Variants in UNC5D observed in about 807,000 individuals in gnomAD.
UNC5D encodes the protein unc-5 netrin receptor D.
UNC5D carries 39 observed loss-of-function variants against 105.4 expected under a neutral mutation model. The observed-to-expected ratio is 0.37, with a 90% CI of 0.29 to 0.48. The LOEUF (loss-of-function observed/expected upper bound fraction) is 0.48. Ranked by LOEUF, UNC5D falls within the 20% of genes least tolerant of loss-of-function variation. UNC5D has a pLI of 0.98. For synonymous variants in UNC5D, 452 were observed against 450.4 expected (o/e 1.00, Z -0.04); for missense variants, 991 against 1,202.4 (o/e 0.82, Z 2.60).
intron 15 of UNC5D, 144 bp downstream of exon 15, chr8:35,767,210 A>G: frequency 9.3e-7 from 1 of 1,074,170 alleles, no homozygotes; most frequent in Non-Finnish European, 1.3e-6. Flanking sequence ...GATGAGGGAA[A>G]ATAAGCTTTG....
chr8:35,766,894 C>G lies in UNC5D; in HGVS notation c.2314-8C>G, dbSNP rs1181909614. On this transcript the variant is annotated splice_polypyrimidine_tract_variant and splice_region_variant and intron_variant, in intron 14 of 16. Transcript: ENST00000404895. ...GCACACCATCCCTTCTCTCCGTCTC[C>G]CCTGCAGGAAGTCCCGTTCTCCCGC... is the stretch of plus-strand genomic sequence containing the variant. 2 of 1,609,694 alleles carry G rather than the reference C, an allele frequency of 1.2e-6. No individual in the cohort carries two copies. Among genetic ancestry groups the G allele is most frequent in the Non-Finnish European group, 1.7e-6 (2 of 1,177,432 alleles).
rs762704382 is a variant in UNC5D at position 35,684,758 on chromosome 8, T to C, written c.919+9T>C. On this transcript the variant is annotated intron_variant, in intron 6 of 16. Coordinates refer to ENST00000404895, the MANE Select transcript of UNC5D (RefSeq NM_080872.4). Reference sequence around the variant, plus strand: ...CACTTCTCTTTGTCCTGGTGAGATATATGCAGATTCCCTTTTCCCTTCTGA... The same window carrying C: ...CACTTCTCTTTGTCCTGGTGAGATACATGCAGATTCCCTTTTCCCTTCTGA... 3.7e-6 allele frequency: 6 copies of C among 1,603,174 alleles called. No homozygotes were observed. The highest frequency in any genetic ancestry group is 2.2e-5 in the East Asian group (1 of 44,672).
chr8:35,481,037 G>A (rs144676827), intron 1 of UNC5D, among the ~76,000 whole-genome samples: 1 of 152,316 alleles, frequency 6.6e-6, no homozygotes, highest in East Asian at 1.9e-4. Flanking sequence ...ATGTTAACAG[G>A]TTCCAGCAAA....
At position 35,731,076 on chromosome 8, in the gene UNC5D, C is replaced by T. The variant is rs1829164014; in HGVS notation, c.1746C>T (p.Ser582=). The T allele has an allele frequency of 1.2e-6, 2 of 1,613,850 alleles. No individual in the cohort carries two copies. The highest frequency in any genetic ancestry group is 1.7e-6 in the Non-Finnish European group (2 of 1,179,876). Residue 582 remains serine, a synonymous_variant, in exon 11 of 17, where the codon TCC becomes TCT. Coordinates refer to ENST00000404895, the MANE Select transcript of UNC5D (RefSeq NM_080872.4). ...AGAATTCTTGGGAGATTTATATGTC[C>T]ATCAACCAAGGTGAACCCAGGTGAG... ...PEENSWEIYM[S]INQGEPSLQS...
intron 1 of UNC5D, among the ~76,000 whole-genome samples, chr8:35,346,909 T>A (rs1811844701): frequency 6.6e-6 from 1 of 152,018 alleles, no homozygotes; most frequent in South Asian, 2.1e-4. Flanking sequence ...TTTTCCCTTT[T>A]TGTTTGGGTT....
At chr8:35,262,000 T>G (rs1317533385) in intron 1 of UNC5D, among the ~76,000 whole-genome samples, 1 of 152,196 alleles carries the variant, frequency 6.6e-6, no homozygotes, top group Non-Finnish European at 1.5e-5. Flanking sequence ...CTCTTTTTAT[T>G]GACCTGTGCA....
At chr8:35,605,186 T>G (rs184661879) in intron 4 of UNC5D, among the ~76,000 whole-genome samples, 1 of 152,348 alleles carries the variant, frequency 6.6e-6, no homozygotes, top group Admixed American at 6.5e-5. Context: ...TATCTACCTT[T>G]GTTCTTTGAT....
At chr8:35,336,700 T>A (rs1285935864) in intron 1 of UNC5D, among the ~76,000 whole-genome samples, 1 of 152,200 alleles carries the variant, frequency 6.6e-6, no homozygotes, top group African/African-American at 2.4e-5. Context: ...ATACATTTTT[T>A]TCCTTTCAAA....
intron 7 of UNC5D, among the ~76,000 whole-genome samples, chr8:35,698,385 T>C (rs528153355): frequency 6.6e-6 from 1 of 152,112 alleles, no homozygotes; most frequent in African/African-American, 2.4e-5. Context: ...CTAATTAAAC[T>C]TTTTACCCCT....
At chr8:35,426,824 G>A (rs534571176) in intron 1 of UNC5D, among the ~76,000 whole-genome samples, 1 of 152,250 alleles carries the variant, frequency 6.6e-6, no homozygotes, top group East Asian at 1.9e-4. Context: ...GCTTTGCAGA[G>A]CTAACGGAGT....
At chr8:35,250,477 G>A (rs1803617322) in intron 1 of UNC5D, among the ~76,000 whole-genome samples, 1 of 152,046 alleles carries the variant, frequency 6.6e-6, no homozygotes, top group African/African-American at 2.4e-5. Context: ...CAGATAGTAA[G>A]CATAGTACCC....
intron 1 of UNC5D, among the ~76,000 whole-genome samples, chr8:35,387,365 A>G (rs1803477074): frequency 6.7e-6 from 1 of 149,466 alleles, no homozygotes; most frequent in Non-Finnish European, 1.5e-5. Flanking sequence ...TCCATCTCAA[A>G]AAAAAAAAAA....
chr8:35,582,617 T>C (rs1425238360), intron 3 of UNC5D, among the ~76,000 whole-genome samples: 1 of 152,218 alleles, frequency 6.6e-6, no homozygotes. Context: ...TTGACCTTCC[T>C]GGCCTCATGG....
At chr8:35,697,189 T>A (rs1437225809) in intron 7 of UNC5D, among the ~76,000 whole-genome samples, 1 of 151,842 alleles carries the variant, frequency 6.6e-6, no homozygotes, top group Admixed American at 6.6e-5. Flanking sequence ...TAGATACACA[T>A]ATATATACAT....
At chr8:35,756,705 T>C (rs1451342415) in intron 13 of UNC5D, among the ~76,000 whole-genome samples, 1 of 152,186 alleles carries the variant, frequency 6.6e-6, no homozygotes, top group Non-Finnish European at 1.5e-5. Flanking sequence ...ATAACTTTCT[T>C]CAGGGAACTT....
At chr8:35,522,276 T>A (rs183516806) in intron 1 of UNC5D, among the ~76,000 whole-genome samples, 7 of 152,354 alleles carry the variant, frequency 4.6e-5, no homozygotes, top group Admixed American at 3.9e-4. Context: ...ACTGTTCTAA[T>A]CAGTTGTGCA....
At chr8:35,611,349 C>T (rs772589443) in intron 4 of UNC5D, among the ~76,000 whole-genome samples, 29 of 152,164 alleles carry the variant, frequency 1.9e-4, no homozygotes, top group Non-Finnish European at 4.3e-4. Context: ...TTCGTGGCCC[C>T]ATCTCTTGTA....
intron 1 of UNC5D, among the ~76,000 whole-genome samples, chr8:35,502,196 A>C (rs976994365): frequency 7.9e-5 from 12 of 152,224 alleles, no homozygotes; most frequent in Admixed American, 7.9e-4. Context: ...TAAGGTAAGC[A>C]TATCATGGCA....
At chr8:35,576,432 A>G (rs1282941608) in intron 3 of UNC5D, among the ~76,000 whole-genome samples, 1 of 152,214 alleles carries the variant, frequency 6.6e-6, no homozygotes, top group African/African-American at 2.4e-5. Flanking sequence ...TTAAGGTGGC[A>G]CATTTGGGGT....
Sources: gnomAD v4.1 joint callset for allele counts (sites outside exome capture counted in the v4.1 genomes callset) on GRCh38, gnomAD v4.1.1 for gene constraint, MANE v1.5 for transcripts, NCBI Gene and HGNC (gene_info 2026-07-23, HGNC 2026-07-21) for gene names.